IRX6: variants seen among roughly 807,000 people sequenced by gnomAD.
The protein encoded by IRX6 is iroquois-class homeodomain protein IRX-6.
IRX6 carries 46 observed loss-of-function variants against 47.7 expected under a neutral mutation model. The ratio of observed to expected loss-of-function variants is 0.96; its 90% CI spans 0.76 to 1.23. The LOEUF (loss-of-function observed/expected upper bound fraction) is 1.23, where lower values mean the gene tolerates loss of function less well. Among genes scored for constraint, IRX6 ranks in the 50% most tolerant of loss-of-function variants. The pLI, the probability that IRX6 is intolerant of heterozygous loss-of-function variation, is 0.00. For missense variants in IRX6, 722 were observed against 588.0 expected, an observed-to-expected ratio of 1.23 and a Z score of -2.36; for synonymous variants, 265 against 246.2, an observed-to-expected ratio of 1.08 and a Z score of -0.72.
At position 55,327,585 on chromosome 16, in the gene IRX6, G is replaced by A; in HGVS notation, c.414-1G>A. The stretch of plus-strand genomic sequence containing the variant: ...AATGTGAGCCAGGTTCTCCCCCACA[G>A]GTATGGCGCAGTGGAATTGAGTGGC... On this transcript the variant is annotated splice_acceptor_variant, in intron 3 of 5. Coordinates refer to ENST00000290552, the MANE Select transcript of IRX6 (RefSeq NM_024335.3). LOFTEE classifies it high-confidence loss of function. The A allele has an allele frequency of 6.3e-7, 1 of 1,596,570 alleles. No homozygotes were observed. The highest frequency in any genetic ancestry group is 1.1e-5 in the South Asian group (1 of 87,886).
chr16:55,329,297 C>G lies in IRX6; in HGVS notation c.1319C>G (p.Pro440Arg). Reference protein sequence around the residue: ...RSEPVVQCQYPSGAEAG With the variant: ...RSEPVVQCQYRSGAEAG Reference sequence around the variant, plus strand: ...GAGCCTGTAGTGCAGTGCCAGTACCCGTCTGGAGCAGAAGGTAGTGGGCCC... The same window carrying G: ...GAGCCTGTAGTGCAGTGCCAGTACCGGTCTGGAGCAGAAGGTAGTGGGCCC... The change falls in exon 5 of 6, where the codon CCG becomes CGG. Residue 440 changes from proline (P) to arginine (R), a missense_variant. Pro to Arg is a moderately radical substitution (Grantham distance 103). Coordinates refer to ENST00000290552, the MANE Select transcript of IRX6 (RefSeq NM_024335.3). 1 of 1,601,076 alleles carries G rather than the reference C, an allele frequency of 6.2e-7. No individual in the cohort carries two copies. Among genetic ancestry groups the G allele is most frequent in the South Asian group, 1.1e-5 (1 of 90,910 alleles).
Position 55,326,362 on chromosome 16 carries a change from C to T in IRX6, c.72C>T (p.Thr24=), listed in dbSNP as rs1292151863. The T allele has an allele frequency of 6.2e-7, 1 of 1,613,852 alleles. No individual in the cohort carries two copies. Among genetic ancestry groups the T allele is most frequent in the East Asian group, 2.2e-5 (1 of 44,864 alleles). Residue 24 remains threonine (T), a synonymous_variant, in exon 2 of 6, where the codon ACC becomes ACT. Transcript: ENST00000290552. ...SQFLASASSS[T]TCCESTQRSV... Reference sequence around the variant, plus strand: ...TTCTGGCGTCGGCAAGTTCCAGCACCACATGCTGCGAATCTACCCAACGCT... The same window carrying T: ...TTCTGGCGTCGGCAAGTTCCAGCACTACATGCTGCGAATCTACCCAACGCT...
At position 55,329,240 on chromosome 16, in the gene IRX6, C is replaced by T. The variant is rs745590808; in HGVS notation, c.1262C>T (p.Pro421Leu). The T allele has an allele frequency of 2.5e-6, 4 of 1,613,730 alleles. No individual in the cohort carries two copies. The highest frequency in any genetic ancestry group is 2.7e-5 in the African/African-American group (2 of 74,950). Reference sequence around the variant, plus strand: ...CCCAAGTTTGCCCTGCAGGGACTACCGCTGAACTGTGCGCCGTGCCCGCGG... The same window carrying T: ...CCCAAGTTTGCCCTGCAGGGACTACTGCTGAACTGTGCGCCGTGCCCGCGG... ...GNPKFALQGL[P>L]LNCAPCPRRS... Residue 421 changes from proline (P) to leucine (L), a missense_variant, in exon 5 of 6, where the codon CCG (proline) becomes CTG (leucine). Transcript: ENST00000290552.
chr16:55,327,470 G>T lies in IRX6; in HGVS notation c.413+65G>T, dbSNP rs1409066489. 3.8e-6 allele frequency: 6 copies of T among 1,568,856 alleles called. No individual in the cohort carries two copies. The Admixed American group carries it at 5.1e-5, about 13-fold the overall frequency. On this transcript the variant is annotated intron_variant, in intron 3 of 5. Transcript: ENST00000290552. ...TTTCCTCCCCCACTGCCAAGGTAGG[G>T]TGGATGGCGGCAGGGGAGAGGGAGG...
At chr16:55,329,580 G>T (rs1960607050) in intron 5 of IRX6, among the ~76,000 whole-genome samples, 1 of 152,196 alleles carries the variant, frequency 6.6e-6, no homozygotes, top group Admixed American at 6.5e-5. Flanking sequence ...GGACAACCAG[G>T]ATCTCTGCAT....
At chr16:55,328,594 G>T (rs1239220958) in intron 4 of IRX6, 106 bp from the exon 5 acceptor site, 7 of 1,124,282 alleles carry the variant, frequency 6.2e-6, no homozygotes, top group African/African-American at 1.6e-5. Context: ...CACTGAGGAT[G>T]CCCTGAGTGC....
Position 55,324,991 on chromosome 16 carries a change from C to G in IRX6, c.-101C>G. 1 of 1,240,378 alleles carries G rather than the reference C, an allele frequency of 8.1e-7. No individual in the cohort carries two copies. 76.8% of individuals were successfully genotyped at this position (1,240,378 alleles called of 1,614,324 possible). A position where few individuals can be genotyped will look rare whatever the true frequency, so the allele number is the denominator to read the frequency against. ...AGGAACCGGCGCTGGGCATCCGCAG[C>G]GGTGTAAGGAACTGAGACACCTCAC... On this transcript the variant is annotated 5_prime_UTR_variant, in exon 1 of 6. Transcript: ENST00000290552. This position sits in a 1 kb window ranked among gnomAD's most constrained non-coding sequence, Gnocchi z 4.4.
chr16:55,326,958 G>GT (rs1960539103), intron 2 of IRX6: 18 of 151,298 alleles, frequency 1.2e-4, no homozygotes, highest in African/African-American at 5.7e-4. Context: ...GGGGCAGGGG[G>GT]CGGGGGGTGG....
Position 55,330,627 on chromosome 16 carries a change from A to C in IRX6, c.*322A>C. 1 of 456,388 alleles carries C rather than the reference A, an allele frequency of 2.2e-6. No homozygotes were observed. Among genetic ancestry groups the C allele is most frequent in the East Asian group, 4.1e-5 (1 of 24,642 alleles). 28.3% of individuals were successfully genotyped at this position (456,388 alleles called of 1,614,324 possible). A position where few individuals can be genotyped will look rare whatever the true frequency, so the allele number is the denominator to read the frequency against. On this transcript the variant is annotated 3_prime_UTR_variant, in exon 6 of 6. Transcript: ENST00000290552. ...TTCAGCAAGGCTTCCTCTCCTGCTC[A>C]CCCCTGTCTCTCACCTCCACCAACC... is the stretch of plus-strand genomic sequence containing the variant.
At chr16:55,326,667 C>T in intron 2 of IRX6, 74 bp downstream of exon 2, 2 of 1,405,004 alleles carry the variant, frequency 1.4e-6, no homozygotes, top group Non-Finnish European at 1.9e-6. Flanking sequence ...CAAGGAAAGA[C>T]CCACACCTCC....
rs767603819 is a variant in IRX6 at position 55,326,422 on chromosome 16, G to T, written c.132G>T (p.Ala44=). The change falls in exon 2 of 6, where the codon GCG becomes GCT. Residue 44 remains alanine, a synonymous_variant. Transcript: ENST00000290552. ...VSDVASGSTP[A]PALCCAPYDS... is the part of the protein sequence containing the mutation. ...ATGTGGCATCAGGCTCCACCCCAGC[G>T]CCCGCTCTCTGCTGCGCACCCTACG... The T allele has an allele frequency of 2.5e-6, 4 of 1,613,896 alleles. No individual in the cohort carries two copies. Among genetic ancestry groups the T allele is most frequent in the Non-Finnish European group, 3.4e-6 (4 of 1,180,036 alleles).
At chr16:55,326,284 G>C in intron 1 of IRX6, 52 bp from the exon 2 acceptor site, 1 of 1,430,272 alleles carries the variant, frequency 7.0e-7, no homozygotes, top group South Asian at 1.3e-5. Flanking sequence ...AGCGGGGGCG[G>C]GGGTGGGGGG....
chr16:55,326,747 A>G, intron 2 of IRX6, 154 bp downstream of exon 2: 1 of 669,654 alleles, frequency 1.5e-6, no homozygotes, highest in Non-Finnish European at 2.3e-6. Context: ...AGTTTGCAGA[A>G]CTTCATACTG....
intron 5 of IRX6, 47 bp downstream of exon 5, chr16:55,329,358 C>A: frequency 1.3e-6 from 2 of 1,539,824 alleles, no homozygotes; most frequent in South Asian, 1.2e-5. Flanking sequence ...AAAAGACACC[C>A]ACCTACCGCC....
At position 55,327,759 on chromosome 16, in the gene IRX6, G is replaced by C. The variant is rs780951552; in HGVS notation, c.587G>C (p.Trp196Ser). 6.8e-6 allele frequency: 11 copies of C among 1,612,360 alleles called. No homozygotes were observed. The highest frequency in any genetic ancestry group is 2.1e-4 in the Middle Eastern group (1 of 4,836). ...TKMTLTQVST[W>S]FANARRRLKK... ...ATGACCCTCACCCAGGTGTCCACCT[G>C]GTTCGCCAACGCACGCCGGCGCCTC... Residue 196 changes from tryptophan (W) to serine (S), a missense_variant, in exon 4 of 6, where the codon TGG becomes TCG. Coordinates refer to ENST00000290552, the MANE Select transcript of IRX6 (RefSeq NM_024335.3).
chr16:55,328,846 C>T lies in IRX6; in HGVS notation c.868C>T (p.Gln290Ter). Residue 290 changes from glutamine to a stop codon, truncating the protein, a stop_gained, in exon 5 of 6, where the codon CAG becomes TAG. Coordinates refer to ENST00000290552, the MANE Select transcript of IRX6 (RefSeq NM_024335.3). LOFTEE classifies it high-confidence loss of function. Reference protein sequence around the residue: ...DRLTEFRKGAQSLPGPCAAAR... With the variant: ...DRLTEFRKGA ...GCTGACGGAGTTCCGAAAGGGCGCG[C>T]AGTCACTGCCTGGGCCGTGCGCTGC... 1.2e-6 allele frequency: 2 copies of T among 1,612,908 alleles called. No individual in the cohort carries two copies. The highest frequency in any genetic ancestry group is 1.7e-6 in the Non-Finnish European group (2 of 1,179,946).
At position 55,329,056 on chromosome 16, in the gene IRX6, G is replaced by T. The variant is rs1018118164; in HGVS notation, c.1078G>T (p.Ala360Ser). The T allele has an allele frequency of 1.2e-6, 2 of 1,614,072 alleles. No homozygotes were observed. The highest frequency in any genetic ancestry group is 8.5e-7 in the Non-Finnish European group (1 of 1,180,046). ...CTGGTCTCTGGCGCACACCGCGACAGCCAGCGCTGTTGAAGGTGCACCCCC... is the reference window on the plus strand; with the variant it reads ...CTGGTCTCTGGCGCACACCGCGACATCCAGCGCTGTTGAAGGTGCACCCCC... ...RIWSLAHTAT[A>S]SAVEGAPPAR... is the part of the protein sequence containing the mutation. Residue 360 changes from alanine to serine, a missense_variant, in exon 5 of 6, where the codon GCC becomes TCC. Ala to Ser is a moderately conservative substitution (Grantham distance 99). Coordinates refer to ENST00000290552, the MANE Select transcript of IRX6 (RefSeq NM_024335.3).
chr16:55,330,355 C>G lies in IRX6; in HGVS notation c.*50C>G. The G allele has an allele frequency of 6.3e-7, 1 of 1,593,740 alleles. No individual in the cohort carries two copies. The highest frequency in any genetic ancestry group is 8.6e-7 in the Non-Finnish European group (1 of 1,161,414). On this transcript the variant is annotated 3_prime_UTR_variant, in exon 6 of 6. Coordinates refer to ENST00000290552, the MANE Select transcript of IRX6 (RefSeq NM_024335.3). ...AATCTTGGAAATGGGCCCCACGTTT[C>G]GAATTCATCTCCAGGTTAAGAAGCT...
chr16:55,326,701 T>G, intron 2 of IRX6, 108 bp downstream of exon 2: 1 of 1,248,740 alleles, frequency 8.0e-7, no homozygotes, highest in Non-Finnish European at 1.1e-6. Flanking sequence ...TGGTTAGGAC[T>G]GTGTATAAGG....
Sources: allele counts gnomAD v4.1 joint callset (sites outside exome capture counted in the v4.1 genomes callset), GRCh38; gene constraint gnomAD v4.1.1; non-coding constraint Gnocchi (gnomAD v3.1); transcripts MANE v1.5; gene names NCBI Gene and HGNC (gene_info 2026-07-23, HGNC 2026-07-21).